The following NTM variants were observed in gnomAD, a reference collection of about 807,000 sequenced individuals.
The protein encoded by NTM is neurotrimin, also known as IgLON family member 2.
Under a neutral mutation model 42.1 loss-of-function variants are expected in NTM, and 13 were observed. The ratio of observed to expected loss-of-function variants is 0.31; its 90% CI spans 0.20 to 0.49. The LOEUF (loss-of-function observed/expected upper bound fraction) is 0.49. NTM is among the 20% of genes least tolerant of loss of function. The pLI, the probability that NTM is intolerant of heterozygous loss-of-function variation, is 0.99. For synonymous variants in NTM, 187 were observed against 179.2 expected (o/e 1.04, Z -0.35); for missense variants, 373 against 452.8 (o/e 0.82, Z 1.60).
intron 7 of NTM, among the ~76,000 whole-genome samples, chr11:132,320,968 G>C (rs1321103736): frequency 3.4e-4 from 51 of 150,968 alleles, no homozygotes; most frequent in Non-Finnish European, 5.9e-4. Context: ...TGAGGGTCCT[G>C]TCTGTTAGAA....
chr11:132,157,888 C>G (rs1348850193), intron 3 of NTM, among the ~76,000 whole-genome samples: 1 of 152,106 alleles, frequency 6.6e-6, no homozygotes, highest in Non-Finnish European at 1.5e-5. Context: ...CCGTCCTCTT[C>G]CTCAATCCTG....
intron 4 of NTM, among the ~76,000 whole-genome samples, chr11:132,293,088 G>C (rs1182820679): frequency 6.6e-6 from 1 of 152,146 alleles, no homozygotes; most frequent in Non-Finnish European, 1.5e-5. Flanking sequence ...GGAGGTCACA[G>C]AGAATAGTGG....
intron 2 of NTM, among the ~76,000 whole-genome samples, chr11:132,105,020 A>T (rs75995596): frequency 0.029 from 3,917 of 137,312 alleles, 114 homozygotes; most frequent in Middle Eastern, 0.069. Flanking sequence ...GAGGAGGGCA[A>T]CATTTGAGTC....
At chr11:131,789,906 A>C (rs2090649189) in intron 1 of NTM, among the ~76,000 whole-genome samples, 1 of 137,944 alleles carries the variant, frequency 7.2e-6, no homozygotes, top group Non-Finnish European at 1.5e-5. Flanking sequence ...CAGTGAGCCG[A>C]GATCGCGCCA....
At chr11:131,927,966 G>A (rs1055747828) in intron 2 of NTM, among the ~76,000 whole-genome samples, 1 of 152,028 alleles carries the variant, frequency 6.6e-6, no homozygotes, top group East Asian at 1.9e-4. Flanking sequence ...AAAGGATTCT[G>A]GTGTTGGGAA....
chr11:132,205,998 C>T (rs545440345), intron 3 of NTM, among the ~76,000 whole-genome samples: 2 of 152,246 alleles, frequency 1.3e-5, no homozygotes, highest in South Asian at 2.1e-4. Flanking sequence ...CATTCCTGCT[C>T]GACCCCATCT....
At chr11:131,703,016 A>G (rs940716026) in intron 1 of NTM, among the ~76,000 whole-genome samples, 1 of 152,226 alleles carries the variant, frequency 6.6e-6, no homozygotes, top group Admixed American at 6.5e-5. Flanking sequence ...TGTTGTAGCA[A>G]TCACTGATTA....
chr11:131,527,705 T>G (rs2050698844), intron 1 of NTM, among the ~76,000 whole-genome samples: 1 of 152,322 alleles, frequency 6.6e-6, no homozygotes, highest in South Asian at 2.1e-4. Flanking sequence ...TCATGATGCT[T>G]ACAACGTTAT....
intron 1 of NTM, among the ~76,000 whole-genome samples, chr11:131,859,899 G>C (rs1404506685): frequency 6.6e-6 from 1 of 151,746 alleles, no homozygotes; most frequent in African/African-American, 2.4e-5. Flanking sequence ...ACTATTAAAG[G>C]TTGTTCTTAT....
chr11:131,532,499 G>T (rs538908002), intron 1 of NTM, among the ~76,000 whole-genome samples: 2 of 152,276 alleles, frequency 1.3e-5, no homozygotes, highest in African/African-American at 4.8e-5. Context: ...CCACTTTGGG[G>T]CTACTGTGAA....
chr11:131,570,133 G>A (rs2057313108), intron 1 of NTM, among the ~76,000 whole-genome samples: 1 of 152,142 alleles, frequency 6.6e-6, no homozygotes. Flanking sequence ...TTCTAAGTCT[G>A]TGCTCCCATA....
intron 1 of NTM, among the ~76,000 whole-genome samples, chr11:131,850,213 A>G (rs1289620621): frequency 6.6e-6 from 1 of 152,190 alleles, no homozygotes; most frequent in Non-Finnish European, 1.5e-5. Flanking sequence ...TGGGTTAGCA[A>G]ACTGATGTAA....
At chr11:131,989,576 G>A (rs1175580013) in intron 2 of NTM, among the ~76,000 whole-genome samples, 1 of 152,168 alleles carries the variant, frequency 6.6e-6, no homozygotes, top group Non-Finnish European at 1.5e-5. Flanking sequence ...AATCTGGCAG[G>A]ATATCGAAGT....
At chr11:131,469,745 A>C (rs1260486884) in intron 1 of NTM, among the ~76,000 whole-genome samples, 1 of 152,238 alleles carries the variant, frequency 6.6e-6, no homozygotes, top group Non-Finnish European at 1.5e-5. Flanking sequence ...TAGAAAAATG[A>C]TCATAGTACC....
At chr11:131,898,137 A>G (rs1219245468) in intron 1 of NTM, among the ~76,000 whole-genome samples, 2 of 152,226 alleles carry the variant, frequency 1.3e-5, no homozygotes, top group Non-Finnish European at 2.9e-5. Context: ...CTCTCCTAAG[A>G]GCAGAATGAC....
rs144469131 is a variant in NTM, at chr11:131,710,942, T to C, written c.83-200622T>C. On this transcript the variant is annotated intron_variant, in intron 1 of 8. Transcript: ENST00000683400. ...CCCTGCCCCTGTCCCCACCAAGGAG[T>C]ATTTCTGGCTACTGCACTGGTTTGC... 5.3e-5 allele frequency among the ~76,000 whole-genome samples: 8 copies of C among 152,040 alleles called. No homozygotes were observed. In the East Asian group the frequency reaches 1.5e-3, roughly 29 times the overall value.
At chr11:132,133,092 TGAAA>T (rs1208671410) in intron 2 of NTM, among the ~76,000 whole-genome samples, 1 of 152,238 alleles carries the variant, frequency 6.6e-6, no homozygotes, top group African/African-American at 2.4e-5. Flanking sequence ...CTTAGGCTTA[TGAAA>T]GAAAGAGCTG....
intron 1 of NTM, among the ~76,000 whole-genome samples, chr11:131,442,980 T>C (rs1053170124): frequency 1.3e-5 from 2 of 152,158 alleles, no homozygotes; most frequent in African/African-American, 4.8e-5. Flanking sequence ...TAATTTCTTT[T>C]CCTTTGGTAG....
At chr11:131,410,041 G>C (rs553584187) in intron 1 of NTM, among the ~76,000 whole-genome samples, 1 of 152,130 alleles carries the variant, frequency 6.6e-6, no homozygotes, top group African/African-American at 2.4e-5. Flanking sequence ...GGATGGGAGA[G>C]GGGAAGCTGA....
Sources: allele counts gnomAD v4.1 joint callset (sites outside exome capture counted in the v4.1 genomes callset), GRCh38; gene constraint gnomAD v4.1.1; transcripts MANE v1.5; gene names NCBI Gene and HGNC (gene_info 2026-07-23, HGNC 2026-07-21).